The following PPP2R2B variants were observed in gnomAD, a reference collection of about 807,000 sequenced individuals.
PPP2R2B encodes the protein serine/threonine-protein phosphatase 2A 55 kDa regulatory subunit B beta isoform.
A neutral mutation model predicts 46.0 loss-of-function variants in PPP2R2B; 5 were observed. The ratio of observed to expected loss-of-function variants is 0.11; its 90% CI spans 0.06 to 0.23. The LOEUF (loss-of-function observed/expected upper bound fraction) is 0.23. Ranked by LOEUF, PPP2R2B falls within the 10% of genes least tolerant of loss-of-function variation. The pLI, the probability that PPP2R2B is intolerant of heterozygous loss-of-function variation, is 1.00. For missense variants in PPP2R2B, 367 were observed against 575.0 expected (o/e 0.64, Z 3.70); for synonymous variants, 215 against 206.7 (o/e 1.04, Z -0.34).
intron 1 of PPP2R2B, among the ~76,000 whole-genome samples, chr5:146,969,272 G>C (rs918702626): frequency 6.6e-6 from 1 of 152,170 alleles, no homozygotes; most frequent in Non-Finnish European, 1.5e-5. Flanking sequence ...TGGAAAGTGG[G>C]TTCCAGATGG....
intron 1 of PPP2R2B, among the ~76,000 whole-genome samples, chr5:146,888,099 G>A (rs989605898): frequency 1.3e-5 from 2 of 151,952 alleles, no homozygotes; most frequent in African/African-American, 4.8e-5. Context: ...TCACTTGGTA[G>A]CTCCTCACTG....
intron 1 of PPP2R2B, among the ~76,000 whole-genome samples, chr5:147,027,409 C>T (rs983078382): frequency 2.2e-4 from 34 of 152,040 alleles, no homozygotes; most frequent in African/African-American, 6.5e-4. Context: ...CAGAGGCCGG[C>T]GGATCATGAG....
chr5:146,672,449 G>A (rs191548447), intron 5 of PPP2R2B, among the ~76,000 whole-genome samples: 3 of 152,140 alleles, frequency 2.0e-5, no homozygotes, highest in East Asian at 3.9e-4. Flanking sequence ...TAGAGAAAGG[G>A]GTAGAGTCTG....
At chr5:146,834,321 T>A (rs946519877) in intron 2 of PPP2R2B, among the ~76,000 whole-genome samples, 1 of 152,204 alleles carries the variant, frequency 6.6e-6, no homozygotes, top group Admixed American at 6.5e-5. Flanking sequence ...ATGGGTGACT[T>A]GACTAAAGTT....
intron 1 of PPP2R2B, among the ~76,000 whole-genome samples, chr5:146,908,456 C>T (rs1323140500): frequency 1.3e-5 from 2 of 151,500 alleles, no homozygotes; most frequent in Non-Finnish European, 2.9e-5. Flanking sequence ...TCAAAAGACT[C>T]CTAAATTTTT....
chr5:146,976,847 C>G (rs1217855892), intron 1 of PPP2R2B, among the ~76,000 whole-genome samples: 2 of 152,082 alleles, frequency 1.3e-5, no homozygotes, highest in Non-Finnish European at 2.9e-5. Context: ...AATTTTTAGA[C>G]TACTCCTCAG....
intron 2 of PPP2R2B, among the ~76,000 whole-genome samples, chr5:146,864,811 A>AC (rs1582304033): frequency 6.6e-6 from 1 of 152,126 alleles, no homozygotes; most frequent in East Asian, 1.9e-4. Context: ...TCTGATCTTC[A>AC]CCCCACATAA....
chr5:146,854,435 T>G (rs1760529186), intron 2 of PPP2R2B, among the ~76,000 whole-genome samples: 1 of 152,188 alleles, frequency 6.6e-6, no homozygotes, highest in African/African-American at 2.4e-5. Flanking sequence ...ACATTTCAAA[T>G]TCTCTCTTCT....
At chr5:146,759,504 T>C (rs1754029450) in intron 2 of PPP2R2B, among the ~76,000 whole-genome samples, 1 of 152,154 alleles carries the variant, frequency 6.6e-6, no homozygotes, top group African/African-American at 2.4e-5. Context: ...GATTGTTCTG[T>C]CCCCACCTTC....
chr5:146,585,850 G>A lies in PPP2R2B; in HGVS notation c.*4097C>T, dbSNP rs531049890. The A allele has an allele frequency of 2.6e-4, 40 of 152,334 alleles. No individual in the cohort carries two copies. Among genetic ancestry groups the A allele is most frequent in the African/African-American group, 8.9e-4 (37 of 41,584 alleles). The allele number at this position is 152,334 out of a possible 1,614,324, so 9.4% of individuals were successfully genotyped here. The stretch of plus-strand genomic sequence containing the variant: ...AACAATTCTCTGAGCTAGGATAGAT[G>A]TCTTTCTGGCCATTTTACAGGTGAT... On this transcript the variant is annotated 3_prime_UTR_variant, in exon 10 of 10. Transcript: ENST00000394411.
intron 5 of PPP2R2B, among the ~76,000 whole-genome samples, chr5:146,690,309 A>G (rs530088272): frequency 1.6e-4 from 24 of 152,316 alleles, no homozygotes; most frequent in African/African-American, 5.3e-4. Flanking sequence ...TTCCCTTAAA[A>G]GATCGCTTTG....
chr5:146,966,474 T>C (rs956875250), intron 1 of PPP2R2B, among the ~76,000 whole-genome samples: 6 of 152,234 alleles, frequency 3.9e-5, no homozygotes, highest in African/African-American at 1.4e-4. Flanking sequence ...ACACTGCGGC[T>C]ATGTGAGCAG....
intron 1 of PPP2R2B, among the ~76,000 whole-genome samples, chr5:146,952,433 C>T (rs568220705): frequency 3.9e-5 from 6 of 152,130 alleles, no homozygotes; most frequent in Admixed American, 6.6e-5. Context: ...AAAATGATCA[C>T]GTTGTCTCTC....
At position 146,928,281 on chromosome 5, in the gene PPP2R2B, T is replaced by TA. The variant is rs200311487; in HGVS notation, c.79+127383_79+127384insT. Among the ~76,000 whole-genome samples, 977 of 152,070 alleles carry TA rather than the reference T, an allele frequency of 6.4e-3. 10 individuals are homozygous for TA. Among genetic ancestry groups the TA allele is most frequent in the African/African-American group, 0.022 (926 of 41,498 alleles). Reference sequence around the variant, plus strand: ...GGCCCTTTTTAGGTTTATATATATATTTTTTTAGATCAGATCTCTCCCCCA... The same window carrying TA: ...GGCCCTTTTTAGGTTTATATATATATATTTTTTAGATCAGATCTCTCCCCCA... On this transcript the variant is annotated intron_variant, in intron 1 of 8. Transcript: ENST00000336640.
chr5:146,634,532 A>G (rs183698635), intron 7 of PPP2R2B, among the ~76,000 whole-genome samples: 23 of 152,026 alleles, frequency 1.5e-4, no homozygotes, highest in East Asian at 3.9e-4. Flanking sequence ...ACGGGGTTTC[A>G]CCATGTTGCC....
chr5:146,698,106 A>G lies in PPP2R2B; in HGVS notation c.207T>C (p.Val69=). The change falls in exon 4 of 10, where the codon GTT becomes GTC. Residue 69 remains valine, a synonymous_variant. Coordinates refer to ENST00000394411, the MANE Select transcript of PPP2R2B (RefSeq NM_181675.4). The part of the protein sequence containing the change: ...NQVHRRGEYN[V]YSTFQSHEPE... The stretch of plus-strand genomic sequence containing the variant: ...GTTCATGGCTCTGGAATGTGCTGTA[A>G]ACATTGTATTCACCCCTACGATGAA... 6.2e-7 allele frequency: 1 copy of G among 1,611,330 alleles called. No homozygotes were observed. Among genetic ancestry groups the G allele is most frequent in the Non-Finnish European group, 8.5e-7 (1 of 1,178,974 alleles).
intron 1 of PPP2R2B, among the ~76,000 whole-genome samples, chr5:146,931,695 G>A (rs1763975131): frequency 6.6e-6 from 1 of 152,068 alleles, no homozygotes; most frequent in Non-Finnish European, 1.5e-5. Context: ...TTGGGTGGGT[G>A]GTAGAAAGGA....
At chr5:146,643,143 A>C (rs1775330518) in intron 6 of PPP2R2B, among the ~76,000 whole-genome samples, 1 of 152,182 alleles carries the variant, frequency 6.6e-6, no homozygotes, top group South Asian at 2.1e-4. Flanking sequence ...AAGTATATAC[A>C]GTCTGACCAA....
intron 1 of PPP2R2B, among the ~76,000 whole-genome samples, chr5:147,052,339 C>T (rs1233167181): frequency 6.6e-6 from 1 of 152,138 alleles, no homozygotes; most frequent in East Asian, 1.9e-4. Context: ...ATTTACTAAG[C>T]ACCTATAATG....
Sources: allele counts gnomAD v4.1 joint callset (sites outside exome capture counted in the v4.1 genomes callset), GRCh38; gene constraint gnomAD v4.1.1; transcripts MANE v1.5; gene names NCBI Gene and HGNC (gene_info 2026-07-23, HGNC 2026-07-21).